Variants in JAKMIP3 observed in about 807,000 individuals in gnomAD.
The protein encoded by JAKMIP3 is Janus kinase and microtubule interacting protein 3.
JAKMIP3 carries 58 observed loss-of-function variants against 118.5 expected under a neutral mutation model. That is an observed-to-expected ratio of 0.49 (90% CI 0.40 to 0.61). The LOEUF (loss-of-function observed/expected upper bound fraction) is 0.61, where lower values mean the gene tolerates loss of function less well. Among genes scored for constraint, JAKMIP3 ranks in the 20% least tolerant of loss-of-function variants. The pLI is 0.00. For missense variants in JAKMIP3, 950 were observed against 1,109.0 expected (o/e 0.86, Z 2.04); for synonymous variants, 486 against 451.2 (o/e 1.08, Z -0.98).
chr10:132,166,504 C>G (rs1564993671), intron 21 of JAKMIP3, among the ~76,000 whole-genome samples: 1 of 152,198 alleles, frequency 6.6e-6, no homozygotes, highest in Non-Finnish European at 1.5e-5. Context: ...TACTTTGCTG[C>G]TTACGGTGGG....
intron 23 of JAKMIP3, among the ~76,000 whole-genome samples, chr10:132,180,604 CGTGT>C (rs1184491325): frequency 0.033 from 393 of 11,984 alleles, 133 homozygotes; most frequent in African/African-American, 0.086. Flanking sequence ...TGTGCGTGCG[CGTGT>C]GTGTGTGCGT....
chr10:132,142,149 C>A, intron 11 of JAKMIP3, 101 bp downstream of exon 11: 1 of 1,298,760 alleles, frequency 7.7e-7, no homozygotes, highest in Non-Finnish European at 1.0e-6. Context: ...CTCCTGGGCC[C>A]GGGCCCCTCC....
chr10:132,100,182 C>A (rs540464072), intron 1 of JAKMIP3, among the ~76,000 whole-genome samples: 13 of 152,280 alleles, frequency 8.5e-5, no homozygotes, highest in Middle Eastern at 3.4e-3. Context: ...ACGGACCCCC[C>A]GCACAGACCC....
At chr10:132,069,368 G>A (rs1051144594) in intron 1 of JAKMIP3, among the ~76,000 whole-genome samples, 1 of 152,144 alleles carries the variant, frequency 6.6e-6, no homozygotes, top group South Asian at 2.1e-4. Context: ...CCTGTTTCGT[G>A]TTAAGCTGAG....
At chr10:132,145,865 G>A (rs2054499041) in intron 13 of JAKMIP3, among the ~76,000 whole-genome samples, 1 of 152,192 alleles carries the variant, frequency 6.6e-6, no homozygotes. Flanking sequence ...TTGTGCTGAT[G>A]GTTCTGTGGG....
At chr10:132,037,917 C>T (rs1455470317) in intron 1 of JAKMIP3, among the ~76,000 whole-genome samples, 4 of 152,258 alleles carry the variant, frequency 2.6e-5, no homozygotes, top group Non-Finnish European at 5.9e-5. Flanking sequence ...GGCCCCGAGT[C>T]GGTTGCAGCC....
intron 14 of JAKMIP3, 67 bp from the exon 15 acceptor site, chr10:132,149,345 C>T: frequency 9.1e-7 from 1 of 1,095,166 alleles, no homozygotes; most frequent in Non-Finnish European, 1.3e-6. Context: ...CCTCAGGCCC[C>T]AGCACAGTCC....
At position 132,182,533 on chromosome 10, in the gene JAKMIP3, T is replaced by G. The variant is rs746445238; in HGVS notation, c.*1280T>G. 1 of 152,184 alleles carries G rather than the reference T, an allele frequency of 6.6e-6. No homozygotes were observed. The highest frequency in any genetic ancestry group is 1.5e-5 in the Non-Finnish European group (1 of 68,026). The allele number at this position is 152,184 out of a possible 1,614,324, so 9.4% of individuals were successfully genotyped here. On this transcript the variant is annotated 3_prime_UTR_variant, in exon 24 of 24. Transcript: ENST00000684848. ...CTAAGGTTCTGCTCTCAGAGCTGAA[T>G]TGACAGGAGGTGTGTGTGTGTGCTC...
intron 3 of JAKMIP3, among the ~76,000 whole-genome samples, chr10:132,131,722 G>A (rs1410538100): frequency 2.6e-5 from 4 of 152,140 alleles, no homozygotes; most frequent in Non-Finnish European, 4.4e-5. Context: ...GCACCAGGAC[G>A]CCTGTTTCAG....
intron 1 of JAKMIP3, among the ~76,000 whole-genome samples, chr10:132,068,987 T>C (rs2039387238): frequency 6.6e-6 from 1 of 152,168 alleles, no homozygotes; most frequent in African/African-American, 2.4e-5. Flanking sequence ...TCAGGAGGAT[T>C]TGCAGACCTT....
intron 1 of JAKMIP3, among the ~76,000 whole-genome samples, chr10:132,038,336 AC>A (rs1484148733): frequency 6.6e-6 from 1 of 151,944 alleles, no homozygotes; most frequent in Non-Finnish European, 1.5e-5. Context: ...ACAGGGCACA[AC>A]CCCCACGGCA....
rs948034915 is a variant in JAKMIP3 at position 132,049,335 on chromosome 10, C to T, written c.-138+12597C>T. ...GAGTGCTGCCCTCCTCCTCACCTTCCACTTCCTCCTCTTTCTTGCTGACCT... is the reference window on the plus strand; with the variant it reads ...GAGTGCTGCCCTCCTCCTCACCTTCTACTTCCTCCTCTTTCTTGCTGACCT... On this transcript the variant is annotated intron_variant, in intron 1 of 23. Coordinates refer to the JAKMIP3 transcript ENST00000657785. This position sits in a 1 kb window ranked among gnomAD's most constrained non-coding sequence, Gnocchi z 4.3. Among the ~76,000 whole-genome samples, 11 of 152,154 alleles carry T rather than the reference C, an allele frequency of 7.2e-5. No individual in the cohort carries two copies. The highest frequency in any genetic ancestry group is 1.2e-4 in the African/African-American group (5 of 41,440).
At chr10:132,076,931 A>C (rs559091196) in intron 1 of JAKMIP3, among the ~76,000 whole-genome samples, 1 of 104,276 alleles carries the variant, frequency 9.6e-6, no homozygotes, top group Admixed American at 9.9e-5. Flanking sequence ...ATCTGACAGC[A>C]GTGTGAGGGC....
At chr10:132,082,970 G>A (rs2041971805) in intron 1 of JAKMIP3, among the ~76,000 whole-genome samples, 1 of 152,184 alleles carries the variant, frequency 6.6e-6, no homozygotes, top group African/African-American at 2.4e-5. Flanking sequence ...CCACATTTTT[G>A]CAATTGTGAA....
intron 23 of JAKMIP3, among the ~76,000 whole-genome samples, chr10:132,178,242 C>T (rs1259730174): frequency 3.3e-5 from 5 of 152,336 alleles, no homozygotes; most frequent in East Asian, 3.9e-4. Flanking sequence ...CATGGGGCTC[C>T]GCCGTGGTGG....
At chr10:132,152,510 C>T (rs1224378389) in intron 16 of JAKMIP3, among the ~76,000 whole-genome samples, 1 of 152,326 alleles carries the variant, frequency 6.6e-6, no homozygotes, top group Admixed American at 6.5e-5. Flanking sequence ...GGGATTCAGC[C>T]ATTTCACAGC....
At chr10:132,083,206 G>T (rs931159946) in intron 1 of JAKMIP3, among the ~76,000 whole-genome samples, 1 of 151,660 alleles carries the variant, frequency 6.6e-6, no homozygotes, top group African/African-American at 2.4e-5. Flanking sequence ...TCTTTTTTTT[G>T]ATTTTTTGAT....
intron 2 of JAKMIP3, among the ~76,000 whole-genome samples, chr10:132,111,522 GGCCCCGGGGGCCATGC>G (rs1172869704): frequency 1.3e-5 from 2 of 152,132 alleles, no homozygotes; most frequent in Non-Finnish European, 1.5e-5. Context: ...GGTGGCCATG[GGCCCCGGGGGCCATGC>G]GGGTGTGGGG....
At chr10:132,139,107 T>TGTGA (rs80352092) in intron 9 of JAKMIP3, among the ~76,000 whole-genome samples, 132,200 of 150,334 alleles carry the variant, frequency 0.88, 58,180 homozygotes, top group Admixed American at 0.9. Flanking sequence ...TGTGTGTACA[T>TGTGA]GTGTGTGTAT....
Sources: gnomAD v4.1 joint callset for allele counts (sites outside exome capture counted in the v4.1 genomes callset) on GRCh38, gnomAD v4.1.1 for gene constraint, Gnocchi (gnomAD v3.1) non-coding constraint, MANE v1.5 for transcripts, NCBI Gene and HGNC (gene_info 2026-07-23, HGNC 2026-07-21) for gene names.